The following CNTRL variants were observed in gnomAD, a reference collection of about 807,000 sequenced individuals.
The protein encoded by CNTRL is centriolin.
Under a neutral mutation model 303.7 loss-of-function variants are expected in CNTRL, and 233 were observed. The ratio of observed to expected loss-of-function variants is 0.77; its 90% CI spans 0.69 to 0.86. The LOEUF (loss-of-function observed/expected upper bound fraction) is 0.86, where lower values mean the gene tolerates loss of function less well. Ranked by LOEUF, CNTRL falls within the 40% of genes least tolerant of loss-of-function variation. The probability of loss-of-function intolerance (pLI) is 0.00; values close to 1 mark genes in which losing one functional copy is unlikely to be tolerated. For synonymous variants in CNTRL, 900 were observed against 922.2 expected (o/e 0.98, Z 0.44); for missense variants, 2,524 against 2,650.6 (o/e 0.95, Z 1.05).
chr9:121,091,855 G>T (rs1031009717), intron 4 of CNTRL, among the ~76,000 whole-genome samples: 1 of 140,724 alleles, frequency 7.1e-6, no homozygotes, highest in Admixed American at 7.2e-5. Flanking sequence ...GCTTCTTGTT[G>T]TTAAGGTCTC....
Position 121,173,525 on chromosome 9 carries a change from G to A in CNTRL, c.6684+16G>A, listed in dbSNP as rs375627164. The A allele has an allele frequency of 6.8e-6, 11 of 1,611,652 alleles. No individual in the cohort carries two copies. The African/African-American group carries it at 1.5e-4, about 22-fold the overall frequency. On this transcript the variant is annotated intron_variant, in intron 41 of 43. Coordinates refer to ENST00000373855, the MANE Select transcript of CNTRL (RefSeq NM_007018.6). ...TCACATAATGGTAAGGGTTTATCCT[G>A]CTATTCTCTGGGTTCGTAGGATTGA... is the stretch of plus-strand genomic sequence containing the variant.
At chr9:121,148,251 T>G (rs1026047606) in intron 23 of CNTRL, among the ~76,000 whole-genome samples, 2 of 152,178 alleles carry the variant, frequency 1.3e-5, no homozygotes, top group African/African-American at 4.8e-5. Context: ...GGCCAAGGAC[T>G]TGTGAGTTCT....
At chr9:121,163,752 A>G (rs2052962686) in intron 34 of CNTRL, among the ~76,000 whole-genome samples, 1 of 152,238 alleles carries the variant, frequency 6.6e-6, no homozygotes, top group African/African-American at 2.4e-5. Context: ...AAACACATGA[A>G]AAGATACGCA....
At chr9:121,152,767 T>C in intron 26 of CNTRL, 74 bp downstream of exon 26, 1 of 1,161,246 alleles carries the variant, frequency 8.6e-7, no homozygotes, top group Non-Finnish European at 1.2e-6. Flanking sequence ...GAACTTTCTA[T>C]AATCTTGGAA....
In CNTRL at chr9:121,161,794, T is replaced by C. The variant is rs2052865484; in HGVS notation, c.5090-62T>C. On this transcript the variant is annotated intron_variant, in intron 32 of 43. Coordinates refer to ENST00000373855, the MANE Select transcript of CNTRL (RefSeq NM_007018.6). ...GTCAATAGCATTGTTTTCTGTTTCA[T>C]TTTGTAAATGTTTTCCAAGTTCATT... 18 of 1,286,356 alleles carry C rather than the reference T, an allele frequency of 1.4e-5. No individual in the cohort carries two copies. The South Asian group carries it at 2.3e-4, about 17-fold the overall frequency. 79.7% of individuals were successfully genotyped at this position (1,286,356 alleles called of 1,614,324 possible). A position where few individuals can be genotyped will look rare whatever the true frequency, so the allele number is the denominator to read the frequency against.
chr9:121,132,796 G>A (rs1432937202), intron 14 of CNTRL, among the ~76,000 whole-genome samples: 2 of 152,252 alleles, frequency 1.3e-5, no homozygotes, highest in Admixed American at 6.5e-5. Flanking sequence ...TTTGGTCTTT[G>A]GTCTACCTCC....
At chr9:121,095,258 C>G (rs2048841726) in intron 5 of CNTRL, among the ~76,000 whole-genome samples, 1 of 152,026 alleles carries the variant, frequency 6.6e-6, no homozygotes, top group Admixed American at 6.6e-5. Context: ...TTTTTGAGCA[C>G]CAAATTGTAT....
rs548666812 is a variant in CNTRL, at chr9:121,128,137, T to A, written c.2025+2201T>A. Among the ~76,000 whole-genome samples the A allele has an allele frequency of 7.2e-4, 109 of 152,360 alleles. 1 individual carries two copies. The highest frequency in any genetic ancestry group is 6.2e-3 in the South Asian group (30 of 4,828). Reference sequence around the variant, plus strand: ...CATGTGTCTTTATAGTAGCATGATTTATAATCCTTTGGGTATATACCCAGT... The same window carrying A: ...CATGTGTCTTTATAGTAGCATGATTAATAATCCTTTGGGTATATACCCAGT... On this transcript the variant is annotated intron_variant, in intron 14 of 43. Transcript: ENST00000373855.
chr9:121,131,459 C>CT (rs952759771), intron 14 of CNTRL, among the ~76,000 whole-genome samples: 3 of 151,880 alleles, frequency 2.0e-5, no homozygotes, highest in Admixed American at 6.6e-5. Flanking sequence ...GCAGGCCCTG[C>CT]TTTTTTTTGC....
intron 7 of CNTRL, among the ~76,000 whole-genome samples, chr9:121,107,005 C>G (rs886349846): frequency 6.6e-6 from 1 of 151,962 alleles, no homozygotes; most frequent in Non-Finnish European, 1.5e-5. Flanking sequence ...GCTTTTGTGA[C>G]GCTTTAGTGG....
chr9:121,091,628 A>C (rs934274828), intron 4 of CNTRL, among the ~76,000 whole-genome samples: 7 of 152,152 alleles, frequency 4.6e-5, no homozygotes, highest in African/African-American at 1.7e-4. Context: ...AGATCACCTG[A>C]GGTCAGGAGT....
chr9:121,108,638 T>G (rs1333511057), intron 8 of CNTRL, among the ~76,000 whole-genome samples: 4 of 152,144 alleles, frequency 2.6e-5, no homozygotes, highest in African/African-American at 9.7e-5. Context: ...ATTAACCATT[T>G]AAAAACATGT....
chr9:121,146,329 A>G, intron 23 of CNTRL, 73 bp downstream of exon 23: 3 of 1,468,510 alleles, frequency 2.0e-6, no homozygotes, highest in African/African-American at 1.4e-5. Context: ...CCCTTCCCCA[A>G]ATTTATGAAC....
chr9:121,164,955 A>C lies in CNTRL; in HGVS notation c.5436A>C (p.Ala1812=), dbSNP rs2053024195. Residue 1812 remains alanine (A), a synonymous_variant, in exon 35 of 44, where the codon GCA becomes GCC. Coordinates refer to ENST00000373855, the MANE Select transcript of CNTRL (RefSeq NM_007018.6). The part of the protein sequence containing the change: ...KLAQTKRVLA[A]AEENSKMEQS... ...CTCTCTGTGGTAGGGTTTTAGCAGC[A>C]GCAGAAGAAAATAGCAAAATGGAGC... 6.2e-7 allele frequency: 1 copy of C among 1,611,912 alleles called. No individual in the cohort carries two copies. Among genetic ancestry groups the C allele is most frequent in the East Asian group, 2.2e-5 (1 of 44,718 alleles).
At chr9:121,076,254 C>G (rs2047920091) in intron 1 of CNTRL, among the ~76,000 whole-genome samples, 1 of 152,178 alleles carries the variant, frequency 6.6e-6, no homozygotes, top group African/African-American at 2.4e-5. Context: ...TAGCATGGTT[C>G]TTCCTACATA....
chr9:121,096,880 G>T (rs1588089202), intron 6 of CNTRL, among the ~76,000 whole-genome samples: 1 of 151,988 alleles, frequency 6.6e-6, no homozygotes, highest in Admixed American at 6.5e-5. Context: ...GTAGTAGCAA[G>T]TAAGGTCTAG....
intron 40 of CNTRL, 177 bp downstream of exon 40, chr9:121,171,725 TTAAAAA>T (rs1369313565): frequency 2.1e-6 from 1 of 484,534 alleles, no homozygotes; most frequent in African/African-American, 2.0e-5. Context: ...ACCTTGACTA[TTAAAAA>T]TATAAATTTC....
At chr9:121,116,045 GA>G (rs202199630) in intron 11 of CNTRL, among the ~76,000 whole-genome samples, 12 of 151,130 alleles carry the variant, frequency 7.9e-5, no homozygotes, top group African/African-American at 1.7e-4. Context: ...AAACAAAAAG[GA>G]AAAAAAATAT....
Position 121,140,649 on chromosome 9 carries a change from T to C in CNTRL, c.2346T>C (p.Asn782=), listed in dbSNP as rs1171035981. The change falls in exon 17 of 44, where the codon AAT becomes AAC. Residue 782 remains asparagine, a synonymous_variant. Transcript: ENST00000373855. ...TTCATCCCCCTCCATAGGATGACAA[T>C]AATCTGTTAAAACAGCAACTTAAAG... ...HAKLKHLQDD[N]NLLKQQLKDF... 1 of 1,609,572 alleles carries C rather than the reference T, an allele frequency of 6.2e-7. No homozygotes were observed. Among genetic ancestry groups the C allele is most frequent in the East Asian group, 2.2e-5 (1 of 44,756 alleles).
Sources: gnomAD v4.1 joint callset for allele counts (sites outside exome capture counted in the v4.1 genomes callset) on GRCh38, gnomAD v4.1.1 for gene constraint, MANE v1.5 for transcripts, NCBI Gene and HGNC (gene_info 2026-07-23, HGNC 2026-07-21) for gene names.